The following TVP23A variants were observed in gnomAD, a reference collection of about 807,000 sequenced individuals.
TVP23A encodes the protein Golgi apparatus membrane protein TVP23 homolog A.
A neutral mutation model predicts 31.7 loss-of-function variants in TVP23A; 21 were observed. The ratio of observed to expected loss-of-function variants is 0.66; its 90% CI spans 0.47 to 0.95. The LOEUF (loss-of-function observed/expected upper bound fraction) is 0.95, where lower values mean the gene tolerates loss of function less well. Ranked by LOEUF, TVP23A falls within the 40% of genes least tolerant of loss-of-function variation. The pLI, the probability that TVP23A is intolerant of heterozygous loss-of-function variation, is 0.00. For missense variants in TVP23A, 279 were observed against 255.6 expected (o/e 1.09, Z -0.62); for synonymous variants, 104 against 96.0 (o/e 1.08, Z -0.49).
intron 2 of TVP23A, among the ~76,000 whole-genome samples, chr16:10,800,798 AC>A (rs1201068336): frequency 1.3e-5 from 2 of 152,150 alleles, no homozygotes; most frequent in African/African-American, 2.4e-5. Flanking sequence ...AGCCTGGGCA[AC>A]ATGGCGAAAC....
In TVP23A at chr16:10,818,071, G is replaced by A. The variant is rs1329593277; in HGVS notation, c.89+32C>T. The A allele has an allele frequency of 1.9e-6, 3 of 1,560,412 alleles. No homozygotes were observed. The South Asian group carries it at 3.5e-5, about 18-fold the overall frequency. ...AAATGAATGAATTTGCAGCTTTGGG[G>A]AACGCCTGACCCAAGCTCCATCCCA... is the stretch of plus-strand genomic sequence containing the variant. On this transcript the variant is annotated intron_variant, in intron 2 of 7. Coordinates refer to ENST00000299866, the MANE Select transcript of TVP23A (RefSeq NM_001079512.4). The surrounding 1 kb of genome is among the most constrained non-coding windows in gnomAD (Gnocchi z 4.7).
At chr16:10,758,268 C>G (rs576966153), downstream of TVP23A, among the ~76,000 whole-genome samples, 1 of 152,104 alleles carries the variant, frequency 6.6e-6, no homozygotes, top group African/African-American at 2.4e-5. Flanking sequence ...CCCACGAGTT[C>G]GGGACCAGCC....
intron 2 of TVP23A, among the ~76,000 whole-genome samples, chr16:10,808,123 G>T (rs1246639137): frequency 6.6e-6 from 1 of 152,182 alleles, no homozygotes; most frequent in South Asian, 2.1e-4. Context: ...TAGTGCCTAG[G>T]TTTGTAATGA....
intron 6 of TVP23A, 142 bp from the exon 7 acceptor site, chr16:10,770,473 G>T: frequency 1.2e-6 from 1 of 836,464 alleles, no homozygotes; most frequent in Non-Finnish European, 1.8e-6. Context: ...AAGCAGTGCT[G>T]TTCAAATTTA....
intron 2 of TVP23A, among the ~76,000 whole-genome samples, chr16:10,794,853 G>A (rs2033299630): frequency 6.6e-6 from 1 of 152,092 alleles, no homozygotes; most frequent in African/African-American, 2.4e-5. Context: ...GGAGGTCCTA[G>A]GTCCCCACTC....
At chr16:10,799,450 C>A (rs1596552201) in intron 2 of TVP23A, among the ~76,000 whole-genome samples, 1 of 152,212 alleles carries the variant, frequency 6.6e-6, no homozygotes, top group East Asian at 1.9e-4. Flanking sequence ...TCTACTGCCT[C>A]AGCCTCCCGA....
intron 2 of TVP23A, among the ~76,000 whole-genome samples, chr16:10,807,488 A>G (rs1051496191): frequency 6.6e-6 from 1 of 152,204 alleles, no homozygotes; most frequent in African/African-American, 2.4e-5. Flanking sequence ...ACCAGGGGCA[A>G]TGTGGCTGTG....
chr16:10,770,113 G>A (rs536918221), intron 7 of TVP23A, among the ~76,000 whole-genome samples, 159 bp downstream of exon 7: 25 of 152,212 alleles, frequency 1.6e-4, no homozygotes, highest in Non-Finnish European at 3.2e-4. Context: ...CAAAGCCCAG[G>A]GCAGGCCCAT....
chr16:10,791,933 G>A (rs577757156), intron 2 of TVP23A, among the ~76,000 whole-genome samples: 37 of 152,320 alleles, frequency 2.4e-4, no homozygotes, highest in Non-Finnish European at 3.1e-4. Flanking sequence ...CATGTGTACA[G>A]TAAGAAGCAA....
downstream of TVP23A, among the ~76,000 whole-genome samples, chr16:10,764,094 A>G (rs1053499971): frequency 2.6e-5 from 4 of 152,032 alleles, no homozygotes; most frequent in Non-Finnish European, 2.9e-5. Context: ...CCAAGGGAGT[A>G]TCTCAGCCCA....
chr16:10,771,283 G>A (rs1383068819), intron 6 of TVP23A, among the ~76,000 whole-genome samples: 2 of 152,296 alleles, frequency 1.3e-5, no homozygotes, highest in East Asian at 1.9e-4. Context: ...ACTCATGGCT[G>A]TAATCCCAGC....
chr16:10,771,370 G>A (rs1171168404), intron 6 of TVP23A, among the ~76,000 whole-genome samples: 1 of 151,342 alleles, frequency 6.6e-6, no homozygotes, highest in Non-Finnish European at 1.5e-5. Context: ...GCAAAACTTC[G>A]TCTCTACAAA....
chr16:10,817,115 G>A (rs2034479154), intron 2 of TVP23A, among the ~76,000 whole-genome samples: 1 of 152,208 alleles, frequency 6.6e-6, no homozygotes, highest in Non-Finnish European at 1.5e-5. Context: ...CGAAGGGAGT[G>A]TGGCACTGCT....
chr16:10,798,242 C>G (rs1156814871), intron 2 of TVP23A, among the ~76,000 whole-genome samples: 1 of 151,836 alleles, frequency 6.6e-6, no homozygotes. Context: ...TACAGGTGTG[C>G]GCCCGCGCCC....
chr16:10,810,168 G>A lies in TVP23A; in HGVS notation c.89+7935C>T, dbSNP rs556799617. On this transcript the variant is annotated intron_variant, in intron 2 of 7. Coordinates refer to ENST00000299866, the MANE Select transcript of TVP23A (RefSeq NM_001079512.4). ...GTACAAAACATGTGTCACCTAGACT[G>A]GGCTAAGGGATACCCAGATCACATC... 3.9e-5 allele frequency among the ~76,000 whole-genome samples: 6 copies of A among 152,222 alleles called. No homozygotes were observed. The East Asian group carries it at 9.6e-4, about 24-fold the overall frequency.
At chr16:10,775,856 C>G (rs986979238) in intron 2 of TVP23A, among the ~76,000 whole-genome samples, 7 of 141,896 alleles carry the variant, frequency 4.9e-5, no homozygotes, top group African/African-American at 1.3e-4. Flanking sequence ...TCAAGCAATT[C>G]TCCTGCCTCA....
At chr16:10,812,294 T>C (rs1405123036) in intron 2 of TVP23A, among the ~76,000 whole-genome samples, 4 of 152,208 alleles carry the variant, frequency 2.6e-5, no homozygotes, top group Non-Finnish European at 5.9e-5. Flanking sequence ...CTGGGACCCT[T>C]GTACAGTGTT....
chr16:10,771,525 A>G, intron 6 of TVP23A, 145 bp downstream of exon 6: 1 of 1,087,086 alleles, frequency 9.2e-7, no homozygotes, highest in South Asian at 1.5e-5. Context: ...ACAGAGCGAG[A>G]TCCTGTCTCC....
chr16:10,796,412 A>T (rs147123018), intron 2 of TVP23A, among the ~76,000 whole-genome samples: 420 of 150,944 alleles, frequency 2.8e-3, no homozygotes, highest in Non-Finnish European at 4.6e-3. Context: ...CCTATGTAGT[A>T]AAAGGGATTT....
Sources: gnomAD v4.1 joint callset for allele counts (sites outside exome capture counted in the v4.1 genomes callset) on GRCh38, gnomAD v4.1.1 for gene constraint, Gnocchi (gnomAD v3.1) non-coding constraint, MANE v1.5 for transcripts, NCBI Gene and HGNC (gene_info 2026-07-23, HGNC 2026-07-21) for gene names.